RPH3AL: variants seen among roughly 807,000 people sequenced by gnomAD.
RPH3AL encodes rab effector Noc2.
RPH3AL carries 38 observed loss-of-function variants against 43.1 expected under a neutral mutation model. The observed-to-expected ratio is 0.88, with a 90% CI of 0.68 to 1.15. The LOEUF is 1.15. Ranked by LOEUF, RPH3AL falls within the 50% of genes most tolerant of loss-of-function variation. The probability of loss-of-function intolerance (pLI) is 0.00; values close to 1 mark genes in which losing one functional copy is unlikely to be tolerated. For synonymous variants in RPH3AL, 189 were observed against 176.3 expected (o/e 1.07, Z -0.57); for missense variants, 462 against 423.2 (o/e 1.09, Z -0.81).
rs547569323 is a variant in RPH3AL, at chr17:253,638, C to A, written c.439-6353G>T. ...AAGCAATAGCTCTCCTCTGCCCTGG[C>A]CCCTGGCCACCCCAGTCTGCTGTCT... is the stretch of plus-strand genomic sequence containing the variant. On this transcript the variant is annotated intron_variant, in intron 6 of 9. Transcript: ENST00000331302. 1.1e-4 allele frequency among the ~76,000 whole-genome samples: 17 copies of A among 152,104 alleles called. 4 individuals are homozygous for A. Among genetic ancestry groups the A allele is most frequent in the African/African-American group, 4.8e-5 (2 of 41,386 alleles).
In RPH3AL at chr17:235,271, GCCGA is replaced by G. The variant is rs1567570740; in HGVS notation, c.613+11836_613+11839del. On this transcript the variant is annotated intron_variant, in intron 7 of 9. Transcript: ENST00000331302. ...GGTCCAGGGTCCAAAGCTGGGGTCGGCCGAGGCTCTACACTAACAAGACGGGTCC... is the reference window on the plus strand; with the variant it reads ...GGTCCAGGGTCCAAAGCTGGGGTCGGGGCTCTACACTAACAAGACGGGTCC... 5.6e-4 allele frequency among the ~76,000 whole-genome samples: 80 copies of G among 143,802 alleles called. 2 individuals carry two copies. The highest frequency in any genetic ancestry group is 1.5e-3 in the African/African-American group (58 of 38,652). The allele number at this position is 143,802 out of a possible 152,430, so 94.3% of individuals were successfully genotyped here.
In RPH3AL at chr17:247,297, A is replaced by T; in HGVS notation, c.439-12T>A. 1 of 1,557,006 alleles carries T rather than the reference A, an allele frequency of 6.4e-7. No individual in the cohort carries two copies. Among genetic ancestry groups the T allele is most frequent in the Non-Finnish European group, 8.7e-7 (1 of 1,150,486 alleles). ...GACCTCTTCCAGACCTGAGTGGGGG[A>T]AGAGAGCTGCTTGGGGCACAGGACG... On this transcript the variant is annotated splice_polypyrimidine_tract_variant and intron_variant, in intron 6 of 9. Coordinates refer to ENST00000331302, the MANE Select transcript of RPH3AL (RefSeq NM_006987.4).
chr17:335,102 C>T (rs2044916223), intron 1 of RPH3AL, among the ~76,000 whole-genome samples: 1 of 152,208 alleles, frequency 6.6e-6, no homozygotes, highest in Admixed American at 6.5e-5. Context: ...GGGCAGCATA[C>T]CCGAGCTCCT....
intron 7 of RPH3AL, among the ~76,000 whole-genome samples, chr17:243,071 T>A (rs879841433): frequency 2.2e-5 from 3 of 134,232 alleles, no homozygotes; most frequent in Non-Finnish European, 3.3e-5. Context: ...CCTCTATTGA[T>A]TACCTTCCTC....
chr17:243,424 C>T (rs2041636228), intron 7 of RPH3AL, among the ~76,000 whole-genome samples: 1 of 119,664 alleles, frequency 8.4e-6, no homozygotes, highest in South Asian at 3.2e-4. Flanking sequence ...TATTGATTAC[C>T]CTTCCTCTAT....
In RPH3AL at chr17:316,164, A is replaced by C. The variant is rs1457452014; in HGVS notation, c.351+3256T>G. ...CTGTGCTCCACCTCCATTGACCTGT[A>C]GTCCCTGTGCTCCACCTCCACTGAC... On this transcript the variant is annotated intron_variant, in intron 5 of 9. Transcript: ENST00000331302. 6.7e-5 allele frequency among the ~76,000 whole-genome samples: 10 copies of C among 148,718 alleles called. 1 individual carries two copies. The highest frequency in any genetic ancestry group is 2.3e-4 in the African/African-American group (9 of 39,944).
At chr17:233,011 T>C (rs797003733) in intron 7 of RPH3AL, among the ~76,000 whole-genome samples, 2 of 152,094 alleles carry the variant, frequency 1.3e-5, no homozygotes, top group African/African-American at 4.8e-5. Context: ...TAAGAGGCCT[T>C]CCTGGGGCTA....
Position 213,703 on chromosome 17 carries a change from A to T in RPH3AL, c.*149T>A, listed in dbSNP as rs2040723718. 1 of 692,722 alleles carries T rather than the reference A, an allele frequency of 1.4e-6. No homozygotes were observed. The highest frequency in any genetic ancestry group is 2.6e-6 in the Non-Finnish European group (1 of 386,220). The allele number at this position is 692,722 out of a possible 1,614,324, so 42.9% of individuals were successfully genotyped here. ...AGAGAAGGGGTGCAGAAAGGCACTG[A>T]GCTGGGGAGGCAGACGGCTCCCAAC... On this transcript the variant is annotated 3_prime_UTR_variant, in exon 10 of 10. Transcript: ENST00000331302.
intron 5 of RPH3AL, among the ~76,000 whole-genome samples, chr17:316,192 GTAGTT>G: frequency 1.4e-5 from 2 of 142,690 alleles, no homozygotes; most frequent in Admixed American, 7.1e-5. Context: ...CCACTGACCT[GTAGTT>G]CCTGTGCCCC....
In RPH3AL at chr17:298,888, G is replaced by A. The variant is rs115762711; in HGVS notation, c.352-17034C>T. 5.3e-3 allele frequency among the ~76,000 whole-genome samples: 800 copies of A among 152,170 alleles called. 6 individuals are homozygous for A. Among genetic ancestry groups the A allele is most frequent in the African/African-American group, 0.017 (701 of 41,498 alleles). On this transcript the variant is annotated intron_variant, in intron 5 of 9. Transcript: ENST00000331302. ...CGGAGCTCCAAGGAGGGGGACGGCAGGTCGGGGCCGGGGGAGCCAGGCCTG... is the reference window on the plus strand; with the variant it reads ...CGGAGCTCCAAGGAGGGGGACGGCAAGTCGGGGCCGGGGGAGCCAGGCCTG...
rs1331341483 is a variant in RPH3AL at position 246,727 on chromosome 17, G to A, written c.613+384C>T. Among the ~76,000 whole-genome samples, 1 of 152,174 alleles carries A rather than the reference G, an allele frequency of 6.6e-6. No homozygotes were observed. The highest frequency in any genetic ancestry group is 2.4e-5 in the African/African-American group (1 of 41,442). The stretch of plus-strand genomic sequence containing the variant: ...CCTCCCTTACCGAGACACAAGGCAA[G>A]TGCCAGGAAGAGATGGTGAGGGCCT... On this transcript the variant is annotated intron_variant, in intron 7 of 9. Coordinates refer to ENST00000331302, the MANE Select transcript of RPH3AL (RefSeq NM_006987.4). This position sits in a 1 kb window ranked among gnomAD's most constrained non-coding sequence, Gnocchi z 4.8.
At chr17:343,715 C>A (rs1215450919) in intron 1 of RPH3AL, among the ~76,000 whole-genome samples, 1 of 152,152 alleles carries the variant, frequency 6.6e-6, no homozygotes, top group Non-Finnish European at 1.5e-5. Context: ...GTTGCGGGTG[C>A]TATTGACTAC....
intron 1 of RPH3AL, among the ~76,000 whole-genome samples, chr17:335,312 G>A (rs536510641): frequency 3.2e-4 from 48 of 152,276 alleles, no homozygotes; most frequent in South Asian, 2.9e-3. Context: ...GGGGGAAGTC[G>A]CTGTGCCTAG....
rs2041819188 is a variant in RPH3AL at position 248,608 on chromosome 17, G to T, written c.439-1323C>A. Among the ~76,000 whole-genome samples the T allele has an allele frequency of 3.3e-5, 5 of 152,172 alleles. No homozygotes were observed. In the South Asian group the frequency reaches 1.0e-3, roughly 31 times the overall value. ...GAACTCACAGGGTGGGAGGTGCTCT[G>T]GGTCTGGGACGCACAGCCCCTTGGG... On this transcript the variant is annotated intron_variant, in intron 6 of 9. Transcript: ENST00000331302.
At chr17:321,948 A>G (rs1185286027) in intron 3 of RPH3AL, among the ~76,000 whole-genome samples, 4 of 152,232 alleles carry the variant, frequency 2.6e-5, no homozygotes, top group Non-Finnish European at 4.4e-5. Context: ...TATCAAGAGA[A>G]GAAAAAGGGA....
Position 259,342 on chromosome 17 carries a change from A to T in RPH3AL, c.439-12057T>A, listed in dbSNP as rs116255615. 3.9e-3 allele frequency among the ~76,000 whole-genome samples: 593 copies of T among 152,300 alleles called. 5 individuals are homozygous for T. The highest frequency in any genetic ancestry group is 0.014 in the African/African-American group (565 of 41,564). On this transcript the variant is annotated intron_variant, in intron 6 of 9. Transcript: ENST00000331302. ...GAAAATGCCTTCCGCAGGGGAGAGC[A>T]GATCTGTTGAGGTGAGGTGCAAAGG...
intron 7 of RPH3AL, among the ~76,000 whole-genome samples, chr17:223,196 G>A (rs5818743): frequency 1.4e-3 from 203 of 144,552 alleles, no homozygotes; most frequent in Non-Finnish European, 1.7e-3. Flanking sequence ...TCTCAAAAAA[G>A]AAAAAAAAAA....
chr17:327,703 G>A (rs1431744153), intron 2 of RPH3AL, 124 bp from the exon 3 acceptor site: 5 of 615,182 alleles, frequency 8.1e-6, no homozygotes, highest in Non-Finnish European at 1.5e-5. Context: ...CTGATGCCTG[G>A]AATCTCACTG....
intron 1 of RPH3AL, chr17:339,672 C>G (rs1222534864): frequency 1.3e-5 from 2 of 152,274 alleles, no homozygotes; most frequent in East Asian, 3.8e-4. Context: ...CCCAACGGAG[C>G]TGGGCTGAGC....
Sources: allele counts gnomAD v4.1 joint callset (sites outside exome capture counted in the v4.1 genomes callset), GRCh38; gene constraint gnomAD v4.1.1; non-coding constraint Gnocchi (gnomAD v3.1); transcripts MANE v1.5; gene names NCBI Gene and HGNC (gene_info 2026-07-23, HGNC 2026-07-21).